The following TAF6L variants were observed in gnomAD, a reference collection of about 807,000 sequenced individuals.
The protein encoded by TAF6L is TAF6-like RNA polymerase II p300/CBP-associated factor-associated factor 65 kDa subunit 6L.
Under a neutral mutation model 57.3 loss-of-function variants are expected in TAF6L, and 34 were observed. The observed-to-expected ratio is 0.59, with a 90% confidence interval of 0.45 to 0.79. TAF6L has a LOEUF of 0.79. TAF6L is among the 30% of genes least tolerant of loss of function. The pLI is 0.00. For synonymous variants in TAF6L, 417 were observed against 376.3 expected (o/e 1.11, Z -1.25); for missense variants, 782 against 853.2 (o/e 0.92, Z 1.04).
chr11:62,784,277 C>T (rs1254778769), intron 9 of TAF6L, among the ~76,000 whole-genome samples: 13 of 140,424 alleles, frequency 9.3e-5, no homozygotes, highest in Non-Finnish European at 2.0e-4. Flanking sequence ...CGTGAGCCAC[C>T]GGTGCCTGGC....
chr11:62,781,490 G>C (rs905866730), intron 6 of TAF6L, among the ~76,000 whole-genome samples: 1 of 151,662 alleles, frequency 6.6e-6, no homozygotes, highest in African/African-American at 2.4e-5. Context: ...TGGCTAACAC[G>C]GTGAAACCCC....
intron 9 of TAF6L, 63 bp downstream of exon 9, chr11:62,782,888 C>T: frequency 6.3e-7 from 1 of 1,592,176 alleles, no homozygotes; most frequent in South Asian, 1.1e-5. Context: ...AAAAATAGTA[C>T]TTGTGCATCG....
At position 62,781,907 on chromosome 11, in the gene TAF6L, A is replaced by G. The variant is rs1211535689; in HGVS notation, c.545A>G (p.Asp182Gly). 6.2e-7 allele frequency: 1 copy of G among 1,614,132 alleles called. No homozygotes were observed. The highest frequency in any genetic ancestry group is 8.5e-7 in the Non-Finnish European group (1 of 1,180,022). ...DPQLMKVALQ[D>G]LQTNSKIGAL... Reference sequence around the variant, plus strand: ...CCTTCCTTTTAGGTTGCACTCCAGGACTTGCAGACGAACTCCAAGATTGGG... The same window carrying G: ...CCTTCCTTTTAGGTTGCACTCCAGGGCTTGCAGACGAACTCCAAGATTGGG... Residue 182 changes from aspartate (D) to glycine (G), a missense_variant, in exon 7 of 11, where the codon GAC becomes GGC. Around this residue, in one of 3 missense-constraint regions of TAF6L, gnomAD observed 220 missense variants for 252.1 expected, o/e 0.87. Transcript: ENST00000294168.
At position 62,775,938 on chromosome 11, in the gene TAF6L, C is replaced by T; in HGVS notation, c.147+8C>T. On this transcript the variant is annotated splice_region_variant and intron_variant, in intron 2 of 10. Transcript: ENST00000294168. ...CTGAGAGAGGCCACGCAGGTACACT[C>T]CCCTCACCCCCTGATACCTCCAACT... 1 of 1,594,844 alleles carries T rather than the reference C, an allele frequency of 6.3e-7. No homozygotes were observed. The highest frequency in any genetic ancestry group is 8.5e-7 in the Non-Finnish European group (1 of 1,170,018).
intron 9 of TAF6L, among the ~76,000 whole-genome samples, chr11:62,785,535 ATTC>A (rs756864071): frequency 2.2e-5 from 3 of 135,978 alleles, no homozygotes; most frequent in East Asian, 2.2e-4. Flanking sequence ...CTTATAGTTA[ATTC>A]TTTTTTTTTT....
Position 62,779,973 on chromosome 11 carries a change from TA to T in TAF6L, c.531+1011del, listed in dbSNP as rs1273890287. Among the ~76,000 whole-genome samples, 643 of 67,466 alleles carry T rather than the reference TA, an allele frequency of 9.5e-3. 3 individuals are homozygous for T. Among genetic ancestry groups the T allele is most frequent in the Non-Finnish European group, 0.018 (531 of 28,944 alleles). 44.3% of individuals were successfully genotyped at this position (67,466 alleles called of 152,430 possible). A position where few individuals can be genotyped will look rare whatever the true frequency, so the allele number is the denominator to read the frequency against. On this transcript the variant is annotated intron_variant, in intron 6 of 10. Transcript: ENST00000294168. The stretch of plus-strand genomic sequence containing the variant: ...GAGCCTATATATATATATATATATA[TA>T]TATTTTTTTTTTTTTTTTTTTTAGA...
rs551714648 is a variant in TAF6L, at chr11:62,778,214, A to T, written c.386-71A>T. 190 of 1,613,578 alleles carry T rather than the reference A, an allele frequency of 1.2e-4. No individual in the cohort carries two copies. The African/African-American group carries it at 2.3e-3, about 19-fold the overall frequency. ...ATGGGCTGGCTGGTGGAAGAGGCAG[A>T]ACTTGGAGGGGTAGGCGGTACTCTA... is the stretch of plus-strand genomic sequence containing the variant. On this transcript the variant is annotated intron_variant, in intron 4 of 10. Transcript: ENST00000294168.
At chr11:62,782,528 T>G in intron 8 of TAF6L, 165 bp from the exon 9 acceptor site, 1 of 1,114,018 alleles carries the variant, frequency 9.0e-7, no homozygotes, top group Non-Finnish European at 1.3e-6. Flanking sequence ...AGGTATTGGT[T>G]CTTCAGCCCT....
chr11:62,781,229 C>G lies in TAF6L; in HGVS notation c.532-665C>G, dbSNP rs573077930. ...CCAGCCTGGGCGACAGGGCGAGACT[C>G]CATCTCAAAGAAAAAAAAAAAAGAA... On this transcript the variant is annotated intron_variant, in intron 6 of 10. Coordinates refer to ENST00000294168, the MANE Select transcript of TAF6L (RefSeq NM_006473.4). 4.3e-4 allele frequency among the ~76,000 whole-genome samples: 63 copies of G among 146,726 alleles called. 1 individual carries two copies. The highest frequency in any genetic ancestry group is 1.5e-3 in the African/African-American group (56 of 37,996).
Position 62,786,989 on chromosome 11 carries a change from G to A in TAF6L, c.1562G>A (p.Ser521Asn). ...ASASGPAASE[S>N]RPLPRVHRAR... ...GCCTCTGGGCCCGCCGCCTCTGAGA[G>A]CAGGCCCTTGCCGCGCGTGCATCGG... The change falls in exon 11 of 11, where the codon AGC becomes AAC. Residue 521 changes from serine (S) to asparagine (N), a missense_variant. Around this residue, in one of 3 missense-constraint regions of TAF6L, gnomAD observed 483 missense variants for 445.1 expected, o/e 1.09. Transcript: ENST00000294168. 6.8e-7 allele frequency: 1 copy of A among 1,475,778 alleles called. No homozygotes were observed. Among genetic ancestry groups the A allele is most frequent in the Non-Finnish European group, 8.9e-7 (1 of 1,123,560 alleles). 91.4% of individuals were successfully genotyped at this position (1,475,778 alleles called of 1,614,324 possible).
At position 62,787,272 on chromosome 11, in the gene TAF6L, C is replaced by T. The variant is rs1253921107; in HGVS notation, c.1845C>T (p.Asp615=). 6.4e-7 allele frequency: 1 copy of T among 1,560,790 alleles called. No individual in the cohort carries two copies. Among genetic ancestry groups the T allele is most frequent in the Non-Finnish European group, 8.6e-7 (1 of 1,161,806 alleles). Residue 615 remains aspartate (D), a synonymous_variant, in exon 11 of 11, where the codon GAC becomes GAT. Coordinates refer to ENST00000294168, the MANE Select transcript of TAF6L (RefSeq NM_006473.4). The part of the protein sequence containing the change: ...SRPARRWALS[D]YSLYLPL ...CCGCCCGCCGGTGGGCGCTCTCGGACTACTCGCTGTACTTGCCGCTCTGAG... is the reference window on the plus strand; with the variant it reads ...CCGCCCGCCGGTGGGCGCTCTCGGATTACTCGCTGTACTTGCCGCTCTGAG...
At position 62,786,975 on chromosome 11, in the gene TAF6L, C is replaced by CG. The variant is rs1420571006; in HGVS notation, c.1549dup (p.Ala517GlyfsTer4). 3 of 1,447,248 alleles carry CG rather than the reference C, an allele frequency of 2.1e-6. No individual in the cohort carries two copies. Among genetic ancestry groups the CG allele is most frequent in the Non-Finnish European group, 2.7e-6 (3 of 1,111,812 alleles). The allele number at this position is 1,447,248 out of a possible 1,614,324, so 89.7% of individuals were successfully genotyped here. On this transcript the variant is annotated frameshift_variant, in exon 11 of 11. Transcript: ENST00000294168. LOFTEE classifies it high-confidence loss of function. ...GCGGCCCCGCGTCGGCCTCTGGGCCCGCCGCCTCTGAGAGCAGGCCCTTGC... is the reference window on the plus strand; with the variant it reads ...GCGGCCCCGCGTCGGCCTCTGGGCCCGGCCGCCTCTGAGAGCAGGCCCTTGC...
rs554642221 is a variant in TAF6L at position 62,772,117 on chromosome 11, G to A, written c.-14+627G>A. 1.8e-5 allele frequency: 8 copies of A among 456,194 alleles called. No individual in the cohort carries two copies. The East Asian group carries it at 5.6e-4, about 32-fold the overall frequency. The allele number at this position is 456,194 out of a possible 1,614,324, so 28.3% of individuals were successfully genotyped here. On this transcript the variant is annotated intron_variant, in intron 1 of 10. Coordinates refer to ENST00000294168, the MANE Select transcript of TAF6L (RefSeq NM_006473.4). Reference sequence around the variant, plus strand: ...AAGTCATGGAACATTTAGCCTCTGAGGTTTGATTTCCTTGCCTGTGAAATA... The same window carrying A: ...AAGTCATGGAACATTTAGCCTCTGAAGTTTGATTTCCTTGCCTGTGAAATA...
At chr11:62,778,237 C>G (rs1389540800) in intron 4 of TAF6L, 48 bp from the exon 5 acceptor site, 2 of 1,613,924 alleles carry the variant, frequency 1.2e-6, no homozygotes, top group East Asian at 2.2e-5. Flanking sequence ...AGGCGGTACT[C>G]TAAGGGGCAA....
rs761950449 is a variant in TAF6L, at chr11:62,787,113, C to T, written c.1686C>T (p.Phe562=). The T allele has an allele frequency of 1.1e-4, 171 of 1,551,836 alleles. No individual in the cohort carries two copies. Among genetic ancestry groups the T allele is most frequent in the Non-Finnish European group, 1.4e-4 (160 of 1,156,914 alleles). The change falls in exon 11 of 11, where the codon TTC becomes TTT. Residue 562 remains phenylalanine, a synonymous_variant. Coordinates refer to ENST00000294168, the MANE Select transcript of TAF6L (RefSeq NM_006473.4). ...FAPRGAPHFR[F]IIAGRQAGRR... ...CGCGCGGCGCCCCGCACTTTCGTTT[C>T]ATCATAGCCGGGCGGCAGGCTGGGA... is the stretch of plus-strand genomic sequence containing the variant.
intron 6 of TAF6L, among the ~76,000 whole-genome samples, chr11:62,780,599 A>G (rs1218674888): frequency 6.6e-6 from 1 of 152,032 alleles, no homozygotes; most frequent in Non-Finnish European, 1.5e-5. Flanking sequence ...ATACTAGTAC[A>G]TGTTTACTGT....
At chr11:62,781,455 C>T (rs529592189) in intron 6 of TAF6L, among the ~76,000 whole-genome samples, 5 of 152,006 alleles carry the variant, frequency 3.3e-5, no homozygotes, top group South Asian at 4.1e-4. Flanking sequence ...GGGCAGATCA[C>T]GAGGTCAGGA....
At chr11:62,780,181 TGTG>T (rs1217955444) in intron 6 of TAF6L, among the ~76,000 whole-genome samples, 2 of 151,146 alleles carry the variant, frequency 1.3e-5, no homozygotes, top group Non-Finnish European at 2.9e-5. Flanking sequence ...AACTGGCTGT[TGTG>T]GTGGGTGCCT....
At chr11:62,772,011 ATAGAG>A (rs376374747) in intron 1 of TAF6L, 11 of 443,440 alleles carry the variant, frequency 2.5e-5, no homozygotes, top group East Asian at 7.0e-5. Context: ...TGAATGCGGT[ATAGAG>A]TAAAGATTAG....
Sources: gnomAD v4.1 joint callset for allele counts (sites outside exome capture counted in the v4.1 genomes callset) on GRCh38, gnomAD v4.1.1 for gene constraint, gnomAD v4.1.1 regional missense constraint, MANE v1.5 for transcripts, NCBI Gene and HGNC (gene_info 2026-07-23, HGNC 2026-07-21) for gene names.